The following SEL1L3 variants were observed in gnomAD, a reference collection of about 807,000 sequenced individuals.
The protein encoded by SEL1L3 is SEL1L family member 3.
Under a neutral mutation model 142.8 loss-of-function variants are expected in SEL1L3, and 76 were observed. That is an observed-to-expected ratio of 0.53 (90% CI 0.44 to 0.64). The LOEUF (loss-of-function observed/expected upper bound fraction) is 0.64, where lower values mean the gene tolerates loss of function less well. Among genes scored for constraint, SEL1L3 ranks in the 30% least tolerant of loss-of-function variants. The pLI, the probability that SEL1L3 is intolerant of heterozygous loss-of-function variation, is 0.00. For missense variants in SEL1L3, 1,262 were observed against 1,381.7 expected, an observed-to-expected ratio of 0.91 and a Z score of 1.37; for synonymous variants, 504 against 519.6, an observed-to-expected ratio of 0.97 and a Z score of 0.41.
At chr4:25,748,670 T>A in intron 23 of SEL1L3, 106 bp from the exon 24 acceptor site, 1 of 1,203,680 alleles carries the variant, frequency 8.3e-7, no homozygotes, top group Non-Finnish European at 1.2e-6. Flanking sequence ...GCATCTAGTC[T>A]AATGAACCTG....
chr4:25,714,500 T>TTTTCTTTC, the SEL1L3 span, among the ~76,000 whole-genome samples: 14,082 of 108,230 alleles, frequency 0.13, 825 homozygotes, highest in Middle Eastern at 0.14. Context: ...CTTTCTTTCT[T>TTTTCTTTC]TTTCTTTCTT....
chr4:25,778,063 G>A lies in SEL1L3; in HGVS notation c.2585+1013C>T, dbSNP rs187965790. Among the ~76,000 whole-genome samples, 5 of 152,258 alleles carry A rather than the reference G, an allele frequency of 3.3e-5. No individual in the cohort carries two copies. The East Asian group carries it at 7.7e-4, about 23-fold the overall frequency. ...ACATTTCATCTATGGGTCATGGTTTGACAACTCCTGTAAAACATTTTCAGA... is the reference window on the plus strand; with the variant it reads ...ACATTTCATCTATGGGTCATGGTTTAACAACTCCTGTAAAACATTTTCAGA... On this transcript the variant is annotated intron_variant, in intron 16 of 23. Transcript: ENST00000399878.
intron 15 of SEL1L3, 88 bp from the exon 16 acceptor site, chr4:25,779,291 T>A: frequency 1.4e-6 from 2 of 1,447,018 alleles, no homozygotes; most frequent in East Asian, 2.3e-5. Flanking sequence ...AAGCCTGATA[T>A]GATTACAGGC....
At chr4:25,729,753 A>G in the SEL1L3 span, among the ~76,000 whole-genome samples, 23 of 152,132 alleles carry the variant, frequency 1.5e-4, no homozygotes, top group South Asian at 8.3e-4. Context: ...TAGCCAACCC[A>G]TTTAGCATAA....
At chr4:25,724,508 G>A in the SEL1L3 span, among the ~76,000 whole-genome samples, 16 of 151,902 alleles carry the variant, frequency 1.1e-4, no homozygotes, top group Admixed American at 3.3e-4. Context: ...TTGGGAGGCC[G>A]AGGCAGGCGG....
chr4:25,758,865 C>G, intron 21 of SEL1L3, 76 bp downstream of exon 21: 1 of 1,428,828 alleles, frequency 7.0e-7, no homozygotes, highest in Non-Finnish European at 9.5e-7. Context: ...AAGGGTAAAG[C>G]TAACTTTAAC....
rs190102699 is a variant in SEL1L3, at chr4:25,767,411, T to C, written c.2845+114A>G. The C allele has an allele frequency of 3.2e-5, 21 of 666,002 alleles. No individual in the cohort carries two copies. In the East Asian group the frequency reaches 5.4e-4, roughly 17 times the overall value. 41.3% of individuals were successfully genotyped at this position (666,002 alleles called of 1,614,324 possible). A position where few individuals can be genotyped will look rare whatever the true frequency, so the allele number is the denominator to read the frequency against. On this transcript the variant is annotated intron_variant, in intron 19 of 23. Coordinates refer to ENST00000399878, the MANE Select transcript of SEL1L3 (RefSeq NM_015187.5). ...TCTTAATAGCAGAGATTTTTCACTT[T>C]CTTTTCTAATTATTTAGAAATACCT...
At chr4:25,760,203 T>C (rs970419613) in intron 20 of SEL1L3, among the ~76,000 whole-genome samples, 1 of 152,204 alleles carries the variant, frequency 6.6e-6, no homozygotes, top group African/African-American at 2.4e-5. Flanking sequence ...TAGTTTGCTA[T>C]GGATAATGGC....
chr4:25,719,466 G>C, the SEL1L3 span: 1 of 152,104 alleles, frequency 6.6e-6, no homozygotes, highest in South Asian at 2.1e-4. Flanking sequence ...GAAATATAGA[G>C]CTTTTTTTCG....
rs1716631796 is a variant in SEL1L3 at position 25,847,792 on chromosome 4, C to T, written c.235G>A (p.Ala79Thr). The T allele has an allele frequency of 1.9e-6, 3 of 1,613,216 alleles. No individual in the cohort carries two copies. In the South Asian group the frequency reaches 3.3e-5, roughly 18 times the overall value. ...GTAAAATAAATAAAGTCTTTGTAAG[C>T]CACGCTCTGCTCAGCTTTGGGTATC... ...SVIPKAEQSV[A>T]YKDFIYFTVF... The change falls in exon 2 of 24, where the codon GCT becomes ACT. Residue 79 changes from alanine to threonine, a missense_variant. This residue lies in a region of SEL1L3 where 689 missense variants were observed against 692.8 expected (regional missense o/e 0.99). Transcript: ENST00000399878.
intron 11 of SEL1L3, among the ~76,000 whole-genome samples, chr4:25,796,412 T>C (rs1345604579): frequency 2.0e-5 from 3 of 151,630 alleles, no homozygotes; most frequent in South Asian, 2.1e-4. Flanking sequence ...CTGGGCAACA[T>C]AGCAAAACCC....
Position 25,788,385 on chromosome 4 carries a change from A to C in SEL1L3, c.2077-21T>G. Reference sequence around the variant, plus strand: ...CGTTGCTTAAAGATAATAGCAATTTAGAACAATGACTTTTCCTGTATAATG... The same window carrying C: ...CGTTGCTTAAAGATAATAGCAATTTCGAACAATGACTTTTCCTGTATAATG... On this transcript the variant is annotated intron_variant, in intron 12 of 23. Transcript: ENST00000399878. This position sits in a 1 kb window ranked among gnomAD's most constrained non-coding sequence, Gnocchi z 5.3. 1 of 1,612,940 alleles carries C rather than the reference A, an allele frequency of 6.2e-7. No homozygotes were observed. Among genetic ancestry groups the C allele is most frequent in the Non-Finnish European group, 8.5e-7 (1 of 1,179,534 alleles).
chr4:25,715,609 A>G, the SEL1L3 span, among the ~76,000 whole-genome samples: 2 of 152,122 alleles, frequency 1.3e-5, no homozygotes, highest in African/African-American at 4.8e-5. Flanking sequence ...GTGCCATGAT[A>G]AAAGAACAAG....
At chr4:25,721,777 C>A in the SEL1L3 span, among the ~76,000 whole-genome samples, 4 of 152,148 alleles carry the variant, frequency 2.6e-5, no homozygotes, top group African/African-American at 9.7e-5. Context: ...ACCCACCTCC[C>A]ACTTCCATGG....
At chr4:25,741,249 A>G in the SEL1L3 span, among the ~76,000 whole-genome samples, 13 of 151,716 alleles carry the variant, frequency 8.6e-5, no homozygotes, top group Non-Finnish European at 1.9e-4. Flanking sequence ...GATTACAGGC[A>G]GCCACCACCA....
At chr4:25,789,809 A>T (rs1033557732) in intron 12 of SEL1L3, among the ~76,000 whole-genome samples, 27 of 152,062 alleles carry the variant, frequency 1.8e-4, no homozygotes, top group Non-Finnish European at 3.2e-4. Context: ...GGCTCCCACA[A>T]AGGGCTCCTC....
intron 2 of SEL1L3, among the ~76,000 whole-genome samples, chr4:25,843,354 C>T (rs547605296): frequency 5.5e-4 from 84 of 152,178 alleles, no homozygotes; most frequent in African/African-American, 1.9e-3. Flanking sequence ...AGGAGGATGA[C>T]GGCTTAGACC....
chr4:25,756,919 A>C lies in SEL1L3; in HGVS notation c.3259+615T>G, dbSNP rs954748318. On this transcript the variant is annotated intron_variant, in intron 23 of 23. Coordinates refer to ENST00000399878, the MANE Select transcript of SEL1L3 (RefSeq NM_015187.5). ...CACAGAGGCAGAATTCTGACAGATA[A>C]ATTTTCAATGGAAGAAATTGTATTA... The C allele has an allele frequency of 2.1e-5, 27 of 1,276,900 alleles. No homozygotes were observed. The African/African-American group carries it at 3.1e-4, about 14-fold the overall frequency. The allele number at this position is 1,276,900 out of a possible 1,614,324, so 79.1% of individuals were successfully genotyped here. A position where few individuals can be genotyped will look rare whatever the true frequency, so the allele number is the denominator to read the frequency against.
chr4:25,799,184 C>A (rs999487279), intron 11 of SEL1L3, among the ~76,000 whole-genome samples: 1 of 152,150 alleles, frequency 6.6e-6, no homozygotes, highest in South Asian at 2.1e-4. Context: ...AAGTGACTCT[C>A]GTGCCTCAGC....
Sources: allele counts gnomAD v4.1 joint callset (sites outside exome capture counted in the v4.1 genomes callset), GRCh38; gene constraint gnomAD v4.1.1; regional missense constraint gnomAD v4.1.1; non-coding constraint Gnocchi (gnomAD v3.1); transcripts MANE v1.5; gene names NCBI Gene and HGNC (gene_info 2026-07-23, HGNC 2026-07-21).